Variants in ZFHX3 observed in about 807,000 individuals in gnomAD.
ZFHX3 encodes the protein zinc finger homeobox 3.
A neutral mutation model predicts 279.1 loss-of-function variants in ZFHX3; 42 were observed. That is an observed-to-expected ratio of 0.15 (90% CI 0.12 to 0.19). ZFHX3 has a LOEUF of 0.19. ZFHX3 is among the 10% of genes least tolerant of loss of function. ZFHX3 has a pLI of 1.00. For synonymous variants in ZFHX3, 2,293 were observed against 1,957.8 expected, an observed-to-expected ratio of 1.17 and a Z score of -4.52; for missense variants, 4,981 against 4,754.0, an observed-to-expected ratio of 1.05 and a Z score of -1.40.
At chr16:73,342,648 A>G (rs1393858207) in intron 3 of ZFHX3, among the ~76,000 whole-genome samples, 1 of 152,230 alleles carries the variant, frequency 6.6e-6, no homozygotes, top group African/African-American at 2.4e-5. Context: ...TTTTAACAAA[A>G]GGAAACATTG....
intron 1 of ZFHX3, among the ~76,000 whole-genome samples, chr16:73,771,831 T>C (rs2054021518): frequency 6.6e-6 from 1 of 151,930 alleles, no homozygotes; most frequent in South Asian, 2.1e-4. Context: ...TCCTGGTCCC[T>C]GCCATCCCGG....
chr16:73,187,950 C>T (rs1967952088), intron 5 of ZFHX3, among the ~76,000 whole-genome samples: 1 of 152,128 alleles, frequency 6.6e-6, no homozygotes, highest in Non-Finnish European at 1.5e-5. Flanking sequence ...GCTCCGCCTC[C>T]CAGGTTCATG....
intron 3 of ZFHX3, among the ~76,000 whole-genome samples, chr16:73,429,418 C>T (rs367979653): frequency 2.0e-5 from 3 of 151,842 alleles, no homozygotes; most frequent in Non-Finnish European, 1.5e-5. Flanking sequence ...CTGCAACCTC[C>T]GCCTCCAGGG....
At chr16:73,000,596 G>T (rs13333860) in intron 1 of ZFHX3, among the ~76,000 whole-genome samples, 1 of 152,086 alleles carries the variant, frequency 6.6e-6, no homozygotes. Flanking sequence ...GTCTCGACCC[G>T]TGGGCTCCCA....
intron 7 of ZFHX3, among the ~76,000 whole-genome samples, chr16:73,115,377 C>CAAAAAAAAAA (rs10685277): frequency 3.7e-5 from 3 of 80,722 alleles, no homozygotes; most frequent in Non-Finnish European, 4.5e-5. Context: ...CCTATCTCTA[C>CAAAAAAAAAA]AAAAAAAAAA....
At position 73,430,006 on chromosome 16, in the gene ZFHX3, G is replaced by C. The variant is rs143928218; in HGVS notation, c.-1291+25997C>G. Among the ~76,000 whole-genome samples, 366 of 152,250 alleles carry C rather than the reference G, an allele frequency of 2.4e-3. 1 individual carries two copies. The highest frequency in any genetic ancestry group is 1.2e-3 in the Non-Finnish European group (81 of 68,026). On this transcript the variant is annotated intron_variant, in intron 3 of 17. Coordinates refer to the ZFHX3 transcript ENST00000641206. ...GGGCTCAAGCGATCCTCCTGCCTCA[G>C]CCTCCCAAGTAGCTGGGATATAACA... is the stretch of plus-strand genomic sequence containing the variant.
intron 2 of ZFHX3, among the ~76,000 whole-genome samples, chr16:73,561,679 T>C (rs1432625486): frequency 6.6e-6 from 1 of 152,090 alleles, no homozygotes; most frequent in Admixed American, 6.5e-5. Flanking sequence ...CAACTAACTC[T>C]CTCCCAGTGA....
At position 73,685,296 on chromosome 16, in the gene ZFHX3, G is replaced by A. The variant is rs565823672; in HGVS notation, c.-1607-5056C>T. Among the ~76,000 whole-genome samples the A allele has an allele frequency of 9.8e-5, 15 of 152,306 alleles. No homozygotes were observed. In the South Asian group the frequency reaches 2.7e-3, roughly 27 times the overall value. On this transcript the variant is annotated intron_variant, in intron 1 of 17. Coordinates refer to the ZFHX3 transcript ENST00000641206. ...CTCCCAACGTGCTGGGATTACAGGC[G>A]TGAGCCACCACGCTCAGCCCACAAG... is the stretch of plus-strand genomic sequence containing the variant.
At chr16:73,837,620 ATTTTC>A (rs71727423) in intron 1 of ZFHX3, among the ~76,000 whole-genome samples, 59,294 of 150,660 alleles carry the variant, frequency 0.39, 12,463 homozygotes, top group African/African-American at 0.54. Flanking sequence ...CATTGCTGCT[ATTTTC>A]TTTTCTTTTC....
At chr16:72,990,034 G>A (rs533229772) in intron 1 of ZFHX3, among the ~76,000 whole-genome samples, 115 of 152,100 alleles carry the variant, frequency 7.6e-4, no homozygotes, top group Non-Finnish European at 1.2e-3. Flanking sequence ...CAACTTTCCC[G>A]AATTATAAAA....
At chr16:73,566,343 A>G (rs1171969762) in intron 2 of ZFHX3, among the ~76,000 whole-genome samples, 1 of 152,236 alleles carries the variant, frequency 6.6e-6, no homozygotes, top group Non-Finnish European at 1.5e-5. Flanking sequence ...CAGAGCTGCC[A>G]TACCAAATTC....
chr16:73,464,005 G>T (rs184290259), intron 2 of ZFHX3, among the ~76,000 whole-genome samples: 2 of 152,236 alleles, frequency 1.3e-5, no homozygotes, highest in East Asian at 3.9e-4. Context: ...ACAATACTGT[G>T]GATGCAGAAA....
intron 2 of ZFHX3, among the ~76,000 whole-genome samples, chr16:73,657,472 T>C (rs2052734738): frequency 6.6e-6 from 1 of 152,112 alleles, no homozygotes; most frequent in Admixed American, 6.6e-5. Flanking sequence ...ATAAAATAAG[T>C]AAAATGTACA....
chr16:73,845,176 C>T (rs1961416895), intron 1 of ZFHX3, among the ~76,000 whole-genome samples: 2 of 152,058 alleles, frequency 1.3e-5, no homozygotes, highest in South Asian at 2.1e-4. Context: ...AACATGCACG[C>T]GACCATAGGA....
At chr16:73,364,340 A>T (rs1268395709) in intron 3 of ZFHX3, among the ~76,000 whole-genome samples, 1 of 149,652 alleles carries the variant, frequency 6.7e-6, no homozygotes, top group Non-Finnish European at 1.5e-5. Flanking sequence ...AATAAATTCA[A>T]TAATAATAGT....
chr16:73,356,583 C>G (rs964527219), intron 3 of ZFHX3, among the ~76,000 whole-genome samples: 3 of 151,950 alleles, frequency 2.0e-5, no homozygotes, highest in Admixed American at 2.0e-4. Context: ...GTCCCAGCTC[C>G]GACACTTACA....
intron 4 of ZFHX3, among the ~76,000 whole-genome samples, chr16:72,844,136 T>G (rs1295039491): frequency 6.6e-6 from 1 of 152,188 alleles, no homozygotes; most frequent in African/African-American, 2.4e-5. Flanking sequence ...ATATTCTGGA[T>G]CAGGGTGAGG....
chr16:72,979,529 G>C (rs1962495822), intron 1 of ZFHX3, among the ~76,000 whole-genome samples: 1 of 152,134 alleles, frequency 6.6e-6, no homozygotes, highest in Non-Finnish European at 1.5e-5. Context: ...AATTTTACAT[G>C]GACCAGTGAT....
intron 3 of ZFHX3, among the ~76,000 whole-genome samples, chr16:73,372,825 T>C (rs983713033): frequency 3.1e-4 from 47 of 152,044 alleles, no homozygotes; most frequent in African/African-American, 1.0e-3. Context: ...AAAATAGTAA[T>C]GAAACCCTCA....
Sources: gnomAD v4.1 joint callset for allele counts (sites outside exome capture counted in the v4.1 genomes callset) on GRCh38, gnomAD v4.1.1 for gene constraint, MANE v1.5 for transcripts, NCBI Gene and HGNC (gene_info 2026-07-23, HGNC 2026-07-21) for gene names.